GLI3: variants seen among roughly 807,000 people sequenced by gnomAD.
The protein encoded by GLI3 is transcription activator GLI3.
Under a neutral mutation model 100.8 loss-of-function variants are expected in GLI3, and 20 were observed. The observed-to-expected ratio is 0.20, with a 90% CI of 0.14 to 0.29. The LOEUF (loss-of-function observed/expected upper bound fraction) is 0.29. GLI3 is among the 10% of genes least tolerant of loss of function. GLI3 has a pLI of 1.00. For synonymous variants in GLI3, 938 were observed against 860.5 expected (o/e 1.09, Z -1.58); for missense variants, 2,040 against 2,128.5 (o/e 0.96, Z 0.82).
At chr7:42,060,251 G>A (rs1301106307) in intron 4 of GLI3, among the ~76,000 whole-genome samples, 2 of 152,184 alleles carry the variant, frequency 1.3e-5, no homozygotes, top group Non-Finnish European at 2.9e-5. Context: ...TAAGGCCAAA[G>A]TCACCTGGCT....
intron 2 of GLI3, among the ~76,000 whole-genome samples, chr7:42,169,084 C>T (rs1256042600): frequency 6.6e-6 from 1 of 152,120 alleles, no homozygotes; most frequent in Non-Finnish European, 1.5e-5. Flanking sequence ...TGAGATGTGT[C>T]CTTTTCTACA....
rs1787009864 is a variant in GLI3 at position 41,961,450 on chromosome 7, C to CATAAAATAAGGCACAT, written c.*2864_*2879dup. ...TGGTCCCTCTCATTGACAAGATTAA[C>CATAAAATAAGGCACAT]ATAAAATAAGGCACATACATCGCAA... On this transcript the variant is annotated 3_prime_UTR_variant, in exon 15 of 15. Coordinates refer to ENST00000395925, the MANE Select transcript of GLI3 (RefSeq NM_000168.6). The CATAAAATAAGGCACAT allele has an allele frequency of 6.6e-6, 1 of 152,548 alleles. No homozygotes were observed. Among genetic ancestry groups the CATAAAATAAGGCACAT allele is most frequent in the South Asian group, 2.1e-4 (1 of 4,826 alleles). 9.4% of individuals were successfully genotyped at this position (152,548 alleles called of 1,614,324 possible).
At chr7:42,012,971 G>A (rs1788660918) in intron 10 of GLI3, among the ~76,000 whole-genome samples, 1 of 152,202 alleles carries the variant, frequency 6.6e-6, no homozygotes, top group Non-Finnish European at 1.5e-5. Flanking sequence ...ATGTGCTGAA[G>A]CACAAGGGAG....
chr7:42,202,364 A>T (rs1195767384), intron 2 of GLI3, among the ~76,000 whole-genome samples: 6 of 151,094 alleles, frequency 4.0e-5, no homozygotes, highest in East Asian at 3.9e-4. Context: ...ACACACACAC[A>T]CACACACACA....
intron 2 of GLI3, among the ~76,000 whole-genome samples, chr7:42,185,387 A>G (rs3779175): frequency 0.074 from 11,275 of 152,246 alleles, 434 homozygotes; most frequent in African/African-American, 0.099. Flanking sequence ...GCTCTCCCGC[A>G]TCTTTTTCCT....
intron 2 of GLI3, chr7:42,150,133 G>A (rs1208546053): frequency 6.6e-6 from 1 of 152,084 alleles, no homozygotes; most frequent in Non-Finnish European, 1.5e-5. Flanking sequence ...AATGTTTTGT[G>A]CAGATCCTCA....
At chr7:42,129,429 T>C (rs1490683137) in intron 3 of GLI3, among the ~76,000 whole-genome samples, 2 of 152,188 alleles carry the variant, frequency 1.3e-5, no homozygotes, top group Admixed American at 6.5e-5. Flanking sequence ...AGACTGGAAT[T>C]ATAGGTGGAC....
intron 2 of GLI3, among the ~76,000 whole-genome samples, chr7:42,206,960 G>C (rs1788168475): frequency 6.6e-6 from 1 of 152,154 alleles, no homozygotes; most frequent in African/African-American, 2.4e-5. Context: ...AAAGATACTT[G>C]AGTCCCTCAG....
rs1789132221 is a variant in GLI3 at position 42,261,038 on chromosome 7, A to G, written c.-43+2956T>C. 2.0e-5 allele frequency among the ~76,000 whole-genome samples: 3 copies of G among 152,284 alleles called. No homozygotes were observed. The South Asian group carries it at 6.2e-4, about 32-fold the overall frequency. On this transcript the variant is annotated intron_variant, in intron 1 of 2. Coordinates refer to the GLI3 transcript ENST00000678978. ...ACCTAAGACTGGGTAATTCATAAAGAAAAGAAGTTTAATTGGCCTACAGTT... is the reference window on the plus strand; with the variant it reads ...ACCTAAGACTGGGTAATTCATAAAGGAAAGAAGTTTAATTGGCCTACAGTT...
At position 41,966,481 on chromosome 7, in the gene GLI3, G is replaced by A. The variant is rs746805795; in HGVS notation, c.2592C>T (p.Ser864=). 3 of 1,613,192 alleles carry A rather than the reference G, an allele frequency of 1.9e-6. No homozygotes were observed. Among genetic ancestry groups the A allele is most frequent in the Non-Finnish European group, 1.7e-6 (2 of 1,179,848 alleles). Residue 864 remains serine (S), a synonymous_variant, in exon 15 of 15, where the codon TCC becomes TCT. Transcript: ENST00000395925. The surrounding 1 kb of genome is among the most constrained non-coding windows in gnomAD (Gnocchi z 5.8). ...ISSAYLSSRR[S]SGISPCFSSR... is the part of the protein sequence containing the mutation. ...TGGAGAAGCAGGGCGAGATCCCTGA[G>A]GAGCGGCGGCTGCTCAGGTAGGCCG...
At position 42,023,570 on chromosome 7, in the gene GLI3, C is replaced by A. The variant is rs1789007411; in HGVS notation, c.1395G>T (p.Gly465=). The A allele has an allele frequency of 6.2e-7, 1 of 1,613,612 alleles. No individual in the cohort carries two copies. Among genetic ancestry groups the A allele is most frequent in the South Asian group, 1.1e-5 (1 of 91,040 alleles). The change falls in exon 10 of 15, where the codon GGG becomes GGT. Residue 465 remains glycine, a synonymous_variant. Coordinates refer to ENST00000395925, the MANE Select transcript of GLI3 (RefSeq NM_000168.6). ...GCTCCTGTTTGCTTTCATCTTTGTC[C>A]CCTTCCTCCTTGACAAGGGTTGTTC... ...PEGTTLVKEE[G]DKDESKQEPE...
Position 41,966,929 on chromosome 7 carries a change from C to G in GLI3, c.2432-288G>C, listed in dbSNP as rs1488787779. 6.6e-6 allele frequency among the ~76,000 whole-genome samples: 1 copy of G among 152,164 alleles called. No homozygotes were observed. The highest frequency in any genetic ancestry group is 1.5e-5 in the Non-Finnish European group (1 of 68,028). On this transcript the variant is annotated intron_variant, in intron 14 of 14. Transcript: ENST00000395925. The surrounding 1 kb of genome is among the most constrained non-coding windows in gnomAD (Gnocchi z 5.8). ...GTAGTTTGCTGATGCCTGGCTTAAA[C>G]AAAACAATAACAACTCCCTCGATTC...
At chr7:42,238,612 C>G (rs1311963226), upstream of GLI3, among the ~76,000 whole-genome samples, 4 of 152,244 alleles carry the variant, frequency 2.6e-5, no homozygotes, top group Admixed American at 2.0e-4. Flanking sequence ...TTTCCTTGAG[C>G]TACAAAGTGT....
At chr7:42,224,489 G>C (rs753769066) in intron 1 of GLI3, among the ~76,000 whole-genome samples, 10 of 152,172 alleles carry the variant, frequency 6.6e-5, no homozygotes, top group Non-Finnish European at 1.0e-4. Context: ...TTAAGAACCA[G>C]AGGCCACATG....
At chr7:42,072,291 T>C (rs2128750587) in intron 4 of GLI3, among the ~76,000 whole-genome samples, 1 of 152,324 alleles carries the variant, frequency 6.6e-6, no homozygotes, top group South Asian at 2.1e-4. Context: ...TTAATACTGG[T>C]CCATAAATTA....
intron 2 of GLI3, among the ~76,000 whole-genome samples, chr7:42,161,156 TCTGA>T (rs1424237219): frequency 6.6e-6 from 1 of 152,218 alleles, no homozygotes; most frequent in African/African-American, 2.4e-5. Context: ...ACCTGTATCC[TCTGA>T]CTGCTTTTGT....
chr7:42,220,486 A>G (rs1382926704), intron 2 of GLI3, among the ~76,000 whole-genome samples: 1 of 152,206 alleles, frequency 6.6e-6, no homozygotes, highest in Non-Finnish European at 1.5e-5. Context: ...AAACCCAGAC[A>G]GGGCCAGGTC....
At chr7:42,037,973 A>G (rs576304874) in intron 7 of GLI3, among the ~76,000 whole-genome samples, 19 of 152,358 alleles carry the variant, frequency 1.2e-4, no homozygotes, top group African/African-American at 4.6e-4. Flanking sequence ...TGCTGTAAAA[A>G]GTCAAGAGAC....
At chr7:42,239,965 C>T (rs1450521944), upstream of GLI3, among the ~76,000 whole-genome samples, 1 of 152,150 alleles carries the variant, frequency 6.6e-6, no homozygotes. Context: ...CGTAGAATCC[C>T]AAAATATAGA....
Sources: allele counts gnomAD v4.1 joint callset (sites outside exome capture counted in the v4.1 genomes callset), GRCh38; gene constraint gnomAD v4.1.1; non-coding constraint Gnocchi (gnomAD v3.1); transcripts MANE v1.5; gene names NCBI Gene and HGNC (gene_info 2026-07-23, HGNC 2026-07-21).